Variants in COL5A2 observed in about 807,000 individuals in gnomAD.
The protein encoded by COL5A2 is collagen type V alpha 2 chain.
In COL5A2, 23 loss-of-function variants were observed where a neutral mutation model predicts 208.2. The observed-to-expected ratio is 0.11, with a 90% CI of 0.08 to 0.16. The LOEUF (loss-of-function observed/expected upper bound fraction) is 0.16, where lower values mean the gene tolerates loss of function less well. Ranked by LOEUF, COL5A2 falls within the 10% of genes least tolerant of loss-of-function variation. The probability of loss-of-function intolerance (pLI) is 1.00; values close to 1 mark genes in which losing one functional copy is unlikely to be tolerated. For missense variants in COL5A2, 1,590 were observed against 1,956.4 expected (o/e 0.81, Z 3.53); for synonymous variants, 625 against 628.5 (o/e 0.99, Z 0.08).
intron 12 of COL5A2, among the ~76,000 whole-genome samples, chr2:189,081,659 C>T (rs1686536744): frequency 6.6e-6 from 1 of 151,950 alleles, no homozygotes; most frequent in Non-Finnish European, 1.5e-5. Context: ...AATGAATAAA[C>T]AAAATATCCA....
chr2:189,078,996 T>C (rs2105632333), intron 15 of COL5A2, 67 bp downstream of exon 15: 5 of 1,234,066 alleles, frequency 4.1e-6, no homozygotes, highest in Non-Finnish European at 5.9e-6. Flanking sequence ...AAAATTCTCT[T>C]GTTGTAATCT....
the COL5A2 span, among the ~76,000 whole-genome samples, chr2:189,412,769 C>G: frequency 3.9e-5 from 6 of 152,142 alleles, no homozygotes; most frequent in African/African-American, 1.4e-4. Flanking sequence ...ATTATGTTAC[C>G]TAGAAAAACA....
the COL5A2 span, among the ~76,000 whole-genome samples, chr2:189,290,599 G>A: frequency 0.01 from 1,592 of 152,170 alleles, 30 homozygotes; most frequent in African/African-American, 0.036. Context: ...AGTGAATCAA[G>A]GGGTGAATTT....
the COL5A2 span, among the ~76,000 whole-genome samples, chr2:189,333,967 A>G: frequency 6.6e-6 from 1 of 151,980 alleles, no homozygotes; most frequent in Non-Finnish European, 1.5e-5. Flanking sequence ...ATCTCAATAT[A>G]TTTAATTGAT....
At chr2:189,432,025 A>G in the COL5A2 span, among the ~76,000 whole-genome samples, 2 of 152,200 alleles carry the variant, frequency 1.3e-5, no homozygotes, top group Non-Finnish European at 2.9e-5. Context: ...AAGCCAGAAA[A>G]GAGTGGGCGA....
the COL5A2 span, among the ~76,000 whole-genome samples, chr2:189,293,889 T>G: frequency 6.6e-6 from 1 of 151,986 alleles, no homozygotes; most frequent in Non-Finnish European, 1.5e-5. Context: ...ATCGAAACCA[T>G]CCTGGCTAAC....
At chr2:189,073,843 T>A (rs1373634591) in intron 17 of COL5A2, among the ~76,000 whole-genome samples, 1 of 152,096 alleles carries the variant, frequency 6.6e-6, no homozygotes. Context: ...ATTAGTTTTG[T>A]TTTGCTTGTA....
chr2:189,054,042 G>C, intron 36 of COL5A2, 94 bp from the exon 37 acceptor site: 2 of 1,434,332 alleles, frequency 1.4e-6, no homozygotes, highest in South Asian at 2.3e-5. Context: ...TAGTGGAAAA[G>C]AACTCTGAAA....
intron 19 of COL5A2, among the ~76,000 whole-genome samples, 176 bp from the exon 20 acceptor site, chr2:189,068,446 G>A (rs1559088540): frequency 2.0e-5 from 3 of 151,904 alleles, no homozygotes; most frequent in South Asian, 4.2e-4. Flanking sequence ...CATAAAATAG[G>A]TAAAACTTAC....
At chr2:189,203,087 T>G (rs1415208378) in intron 1 of COL5A2, among the ~76,000 whole-genome samples, 1 of 152,170 alleles carries the variant, frequency 6.6e-6, no homozygotes, top group African/African-American at 2.4e-5. Flanking sequence ...TTAATGTATA[T>G]TTTGGAAAGA....
At chr2:189,046,840 G>A (rs940431118) in intron 45 of COL5A2, among the ~76,000 whole-genome samples, 3 of 151,556 alleles carry the variant, frequency 2.0e-5, no homozygotes, top group African/African-American at 4.9e-5. Flanking sequence ...ATACTTGCCC[G>A]GGCACAGTGG....
intron 17 of COL5A2, among the ~76,000 whole-genome samples, chr2:189,075,160 G>A (rs1686377435): frequency 6.6e-6 from 1 of 152,064 alleles, no homozygotes; most frequent in Non-Finnish European, 1.5e-5. Context: ...CTTGAAAGTT[G>A]TTCCCATAAC....
At chr2:189,088,328 A>G (rs981750504) in intron 8 of COL5A2, among the ~76,000 whole-genome samples, 13 of 152,198 alleles carry the variant, frequency 8.5e-5, no homozygotes, top group African/African-American at 3.1e-4. Context: ...TCATTTCAAA[A>G]TTTTACCAAA....
chr2:189,160,381 A>T (rs1688335849), intron 1 of COL5A2, among the ~76,000 whole-genome samples: 1 of 152,202 alleles, frequency 6.6e-6, no homozygotes, highest in African/African-American at 2.4e-5. Flanking sequence ...TGTCTCTAAG[A>T]AAGCCTTTCT....
the COL5A2 span, among the ~76,000 whole-genome samples, chr2:189,359,233 T>C: frequency 6.6e-6 from 1 of 152,140 alleles, no homozygotes; most frequent in African/African-American, 2.4e-5. Context: ...CTTTATTTTG[T>C]TGAGGTATAC....
chr2:189,356,283 G>A, the COL5A2 span, among the ~76,000 whole-genome samples: 2 of 152,068 alleles, frequency 1.3e-5, no homozygotes, highest in Non-Finnish European at 2.9e-5. Flanking sequence ...TATCTTTGTG[G>A]TGTTCTCTGT....
intron 1 of COL5A2, among the ~76,000 whole-genome samples, chr2:189,172,428 A>C (rs1213397661): frequency 6.6e-6 from 1 of 152,202 alleles, no homozygotes; most frequent in Non-Finnish European, 1.5e-5. Context: ...AGTAGATTGT[A>C]ATGTCACTTT....
At chr2:189,398,471 A>G in the COL5A2 span, among the ~76,000 whole-genome samples, 1 of 152,120 alleles carries the variant, frequency 6.6e-6, no homozygotes, top group Non-Finnish European at 1.5e-5. Context: ...TATGGAAATT[A>G]TTATATCTTC....
the COL5A2 span, chr2:189,311,330 G>T: frequency 9.4e-7 from 1 of 1,068,234 alleles, no homozygotes; most frequent in South Asian, 1.3e-5. Flanking sequence ...GCAGGTGGTG[G>T]TGTTTTGGAT....
Sources: gnomAD v4.1 joint callset for allele counts (sites outside exome capture counted in the v4.1 genomes callset) on GRCh38, gnomAD v4.1.1 for gene constraint, MANE v1.5 for transcripts, NCBI Gene and HGNC (gene_info 2026-07-23, HGNC 2026-07-21) for gene names.